The following TECPR2 variants were observed in gnomAD, a reference collection of about 807,000 sequenced individuals.
TECPR2 encodes tectonin beta-propeller repeat-containing protein 2.
Under a neutral mutation model 138.1 loss-of-function variants are expected in TECPR2, and 65 were observed. The ratio of observed to expected loss-of-function variants is 0.47; its 90% CI spans 0.39 to 0.58. The LOEUF is 0.58. Among genes scored for constraint, TECPR2 ranks in the 20% least tolerant of loss-of-function variants. The pLI is 0.00. For synonymous variants in TECPR2, 746 were observed against 749.8 expected (o/e 0.99, Z 0.08); for missense variants, 1,553 against 1,824.5 (o/e 0.85, Z 2.71).
At chr14:102,458,778 C>T (rs1199872207) in intron 16 of TECPR2, among the ~76,000 whole-genome samples, 1 of 151,956 alleles carries the variant, frequency 6.6e-6, no homozygotes, top group East Asian at 1.9e-4. Context: ...ACCAGACATT[C>T]TTCATTGACT....
At chr14:102,384,838 T>C (rs1338294269) in intron 2 of TECPR2, among the ~76,000 whole-genome samples, 1 of 147,514 alleles carries the variant, frequency 6.8e-6, no homozygotes, top group African/African-American at 2.5e-5. Context: ...TCATTTTCTT[T>C]TCCTTTCCTT....
At chr14:102,490,702 G>A (rs182301874) in intron 17 of TECPR2, among the ~76,000 whole-genome samples, 12 of 152,226 alleles carry the variant, frequency 7.9e-5, no homozygotes, top group African/African-American at 2.9e-4. Flanking sequence ...TTCAGCAGGC[G>A]CCATGGGCTC....
chr14:102,468,527 C>T (rs1490343861), intron 17 of TECPR2, among the ~76,000 whole-genome samples: 5 of 152,208 alleles, frequency 3.3e-5, no homozygotes, highest in Admixed American at 6.5e-5. Flanking sequence ...ATTCTGGGTA[C>T]TAGACCTTTA....
intron 2 of TECPR2, among the ~76,000 whole-genome samples, chr14:102,389,427 A>T (rs1888106022): frequency 6.6e-6 from 1 of 152,202 alleles, no homozygotes; most frequent in Non-Finnish European, 1.5e-5. Context: ...CAAATGGGAG[A>T]AGTTGCTATT....
chr14:102,450,535 C>T (rs779398844), intron 14 of TECPR2, 25 bp from the exon 15 acceptor site: 3 of 1,611,374 alleles, frequency 1.9e-6, no homozygotes, highest in Non-Finnish European at 2.5e-6. Flanking sequence ...TTCTTTAACA[C>T]ATTCTTCCTA....
intron 16 of TECPR2, among the ~76,000 whole-genome samples, chr14:102,458,222 C>T (rs780649724): frequency 2.6e-5 from 4 of 152,166 alleles, no homozygotes; most frequent in Non-Finnish European, 4.4e-5. Context: ...TTTGGCCAGT[C>T]GCTCAGCAGT....
At chr14:102,407,192 A>G (rs1431100255) in intron 2 of TECPR2, 146 bp from the exon 3 acceptor site, 6 of 1,083,742 alleles carry the variant, frequency 5.5e-6, no homozygotes, top group East Asian at 3.2e-5. Flanking sequence ...AACAGATGTA[A>G]TTTCTGACTT....
At chr14:102,424,830 C>T (rs1889270927) in intron 5 of TECPR2, 149 bp from the exon 6 acceptor site, 1 of 815,134 alleles carries the variant, frequency 1.2e-6, no homozygotes. Flanking sequence ...TGTGGTTTGA[C>T]AAAAAACAAA....
intron 4 of TECPR2, among the ~76,000 whole-genome samples, chr14:102,411,597 T>C (rs1243718049): frequency 6.8e-6 from 1 of 146,920 alleles, no homozygotes; most frequent in Non-Finnish European, 1.5e-5. Context: ...TTCCATTACC[T>C]TCCCAAATCC....
intron 2 of TECPR2, among the ~76,000 whole-genome samples, chr14:102,405,628 T>A (rs747868275): frequency 9.2e-5 from 14 of 152,082 alleles, no homozygotes; most frequent in Non-Finnish European, 2.1e-4. Context: ...CTCAAAAAAA[T>A]TAAAAATAGA....
At chr14:102,455,448 C>G (rs1890253233) in intron 16 of TECPR2, among the ~76,000 whole-genome samples, 1 of 152,138 alleles carries the variant, frequency 6.6e-6, no homozygotes, top group African/African-American at 2.4e-5. Context: ...GCAATTTCCT[C>G]TCCTTTCTTT....
At chr14:102,378,623 AAT>A (rs962879774) in intron 2 of TECPR2, among the ~76,000 whole-genome samples, 2 of 151,328 alleles carry the variant, frequency 1.3e-5, no homozygotes. Context: ...GGTCTGTATT[AAT>A]ATATATATAT....
At chr14:102,383,434 G>T (rs1419394334) in intron 2 of TECPR2, among the ~76,000 whole-genome samples, 2 of 150,600 alleles carry the variant, frequency 1.3e-5, no homozygotes, top group Admixed American at 6.6e-5. Flanking sequence ...TTGAGGCAGA[G>T]TCTCACTCTG....
At chr14:102,432,519 G>C (rs1484011613) in intron 8 of TECPR2, among the ~76,000 whole-genome samples, 3 of 151,974 alleles carry the variant, frequency 2.0e-5, no homozygotes, top group Non-Finnish European at 4.4e-5. Context: ...CTGAGTTCAA[G>C]CAATTCTCCT....
At chr14:102,372,712 G>A (rs987306004) in intron 1 of TECPR2, among the ~76,000 whole-genome samples, 15 of 152,164 alleles carry the variant, frequency 9.9e-5, no homozygotes, top group African/African-American at 3.4e-4. Flanking sequence ...CTGAGATCAG[G>A]AGTTCAAGAC....
chr14:102,458,717 CT>C (rs1439538057), intron 16 of TECPR2, among the ~76,000 whole-genome samples: 1 of 152,052 alleles, frequency 6.6e-6, no homozygotes, highest in East Asian at 1.9e-4. Context: ...CCGTGGGCTG[CT>C]TTCCTTCAAC....
chr14:102,457,880 T>TTTTTTTTTC (rs1890312562), intron 16 of TECPR2, among the ~76,000 whole-genome samples: 1 of 145,588 alleles, frequency 6.9e-6, no homozygotes, highest in Admixed American at 6.9e-5. Context: ...TTTTTTTTTT[T>TTTTTTTTTC]TTTTTTTTTT....
In TECPR2 at chr14:102,438,281, A is replaced by T. The variant is rs1595126290; in HGVS notation, c.2578+76A>T. 7 of 1,503,236 alleles carry T rather than the reference A, an allele frequency of 4.7e-6. No individual in the cohort carries two copies. The East Asian group carries it at 1.6e-4, about 35-fold the overall frequency. The allele number at this position is 1,503,236 out of a possible 1,614,324, so 93.1% of individuals were successfully genotyped here. A position where few individuals can be genotyped will look rare whatever the true frequency, so the allele number is the denominator to read the frequency against. ...TGCTCCCCGCCCCCGGGGTGCAGACATCTTAGTACAGGGCTCCCCTGCAGC... is the reference window on the plus strand; with the variant it reads ...TGCTCCCCGCCCCCGGGGTGCAGACTTCTTAGTACAGGGCTCCCCTGCAGC... On this transcript the variant is annotated intron_variant, in intron 10 of 19. Coordinates refer to ENST00000359520, the MANE Select transcript of TECPR2 (RefSeq NM_014844.5).
chr14:102,484,434 G>C (rs1033903723), intron 17 of TECPR2, among the ~76,000 whole-genome samples: 2 of 152,138 alleles, frequency 1.3e-5, no homozygotes, highest in African/African-American at 4.8e-5. Context: ...GCAGTCCCCT[G>C]GTTGGAAGAG....
Sources: allele counts gnomAD v4.1 joint callset (sites outside exome capture counted in the v4.1 genomes callset), GRCh38; gene constraint gnomAD v4.1.1; transcripts MANE v1.5; gene names NCBI Gene and HGNC (gene_info 2026-07-23, HGNC 2026-07-21).